FRMPD4: variants seen among roughly 807,000 people sequenced by gnomAD.
The protein encoded by FRMPD4 is FERM and PDZ domain containing 4.
Under a neutral mutation model 94.1 loss-of-function variants are expected in FRMPD4, and 22 were observed. The observed-to-expected ratio is 0.23, with a 90% confidence interval of 0.17 to 0.33. The LOEUF is 0.33. FRMPD4 is among the 10% of genes least tolerant of loss of function. The pLI is 1.00. For synonymous variants in FRMPD4, 631 were observed against 548.6 expected (o/e 1.15, Z -2.10); for missense variants, 1,111 against 1,339.9 (o/e 0.83, Z 2.67).
upstream of FRMPD4, among the ~76,000 whole-genome samples, chrX:12,136,916 CACACACACAT>C (rs1267921991): frequency 1.7e-4 from 18 of 108,223 alleles, no homozygotes; most frequent in Admixed American, 9.9e-4. Context: ...CACACACACA[CACACACACAT>C]ACACACACAC....
intron 3 of FRMPD4, among the ~76,000 whole-genome samples, chrX:12,075,883 T>C (rs2055009386): frequency 8.9e-6 from 1 of 112,116 alleles, no homozygotes; most frequent in South Asian, 3.7e-4. Context: ...AGTCCTCTCC[T>C]CTCCCTACCC....
intron 1 of FRMPD4, among the ~76,000 whole-genome samples, chrX:12,198,083 A>G (rs370487537): frequency 2.7e-5 from 3 of 112,111 alleles, no homozygotes; most frequent in Non-Finnish European, 5.6e-5. Context: ...TATAAAACAT[A>G]TACAGATTAA....
intron 2 of FRMPD4, chrX:12,583,646 C>A: frequency 2.4e-6 from 1 of 412,189 alleles, no homozygotes. Flanking sequence ...CTGGCCAGGA[C>A]CCTGAGTCTG....
chrX:12,409,977 C>A (rs894745540), intron 1 of FRMPD4, among the ~76,000 whole-genome samples: 6 of 111,379 alleles, frequency 5.4e-5, no homozygotes, highest in Non-Finnish European at 9.5e-5. Flanking sequence ...TGAATATCAC[C>A]CCTTTTTTCT....
intron 1 of FRMPD4, among the ~76,000 whole-genome samples, chrX:12,457,453 G>A (rs2057345736): frequency 9.0e-6 from 1 of 111,564 alleles, no homozygotes; most frequent in African/African-American, 3.3e-5. Flanking sequence ...TTATCTGCCA[G>A]GCACTGTGTT....
At chrX:11,871,832 G>C (rs181141759) in intron 2 of FRMPD4, among the ~76,000 whole-genome samples, 1 of 111,965 alleles carries the variant, frequency 8.9e-6, no homozygotes, top group East Asian at 2.8e-4. Context: ...AATTTAGTGG[G>C]CTTGCTCAGG....
At chrX:11,988,097 T>C (rs2054442786) in intron 3 of FRMPD4, among the ~76,000 whole-genome samples, 1 of 111,594 alleles carries the variant, frequency 9.0e-6, no homozygotes, top group Admixed American at 9.5e-5. Flanking sequence ...CCCTAACATT[T>C]ACATGAAACC....
rs770708729 is a variant in FRMPD4, at chrX:12,680,283, A to C, written c.469-3200A>C. Among the ~76,000 whole-genome samples, 4 of 112,324 alleles carry C rather than the reference A, an allele frequency of 3.6e-5. No individual in the cohort carries two copies. The Admixed American group carries it at 3.8e-4, about 11-fold the overall frequency. On this transcript the variant is annotated intron_variant, in intron 5 of 16. Coordinates refer to ENST00000675598, the MANE Select transcript of FRMPD4 (RefSeq NM_001368397.1). ...GGAGAATCTGATTATTCTAAATGAT[A>C]ATTACTTGTTATTTCCACCACAGGA... is the stretch of plus-strand genomic sequence containing the variant.
At chrX:12,238,251 A>T (rs899412058) in intron 1 of FRMPD4, among the ~76,000 whole-genome samples, 2 of 111,331 alleles carry the variant, frequency 1.8e-5, no homozygotes, top group African/African-American at 6.5e-5. Context: ...CAGCCTCCAG[A>T]GTAGCTGGGA....
At chrX:11,828,018 A>G (rs1160588929) in intron 1 of FRMPD4, among the ~76,000 whole-genome samples, 1 of 111,606 alleles carries the variant, frequency 9.0e-6, no homozygotes, top group Non-Finnish European at 1.9e-5. Context: ...CACTCAAGCC[A>G]TCATATTTTT....
chrX:12,693,293 G>T (rs1029527129), intron 8 of FRMPD4, among the ~76,000 whole-genome samples: 5 of 111,915 alleles, frequency 4.5e-5, no homozygotes, highest in Non-Finnish European at 9.4e-5. Context: ...AAGGGAAATC[G>T]ATGAGCTCTT....
intron 1 of FRMPD4, among the ~76,000 whole-genome samples, chrX:11,824,092 A>G (rs2053426631): frequency 8.9e-6 from 1 of 111,855 alleles, no homozygotes; most frequent in Non-Finnish European, 1.9e-5. Flanking sequence ...CAGCTCCACT[A>G]TTCTTTCGTC....
chrX:12,022,060 C>G (rs1343107167), intron 3 of FRMPD4, among the ~76,000 whole-genome samples: 1 of 112,179 alleles, frequency 8.9e-6, no homozygotes, highest in Non-Finnish European at 1.9e-5. Flanking sequence ...TGGAAAATCC[C>G]CAGGATCCCC....
chrX:12,123,120 TTTC>T (rs2055469779), intron 3 of FRMPD4, among the ~76,000 whole-genome samples: 1 of 76,869 alleles, frequency 1.3e-5, no homozygotes, highest in East Asian at 7.2e-4. Flanking sequence ...TTGATTTTCT[TTTC>T]TTTTTTTTTT....
At chrX:12,525,266 T>C (rs754932807) in intron 2 of FRMPD4, among the ~76,000 whole-genome samples, 1 of 111,438 alleles carries the variant, frequency 9.0e-6, no homozygotes, top group South Asian at 3.8e-4. Flanking sequence ...ATACAAACAC[T>C]CTGTTTTGAA....
chrX:12,476,634 C>T (rs181960665), intron 1 of FRMPD4, among the ~76,000 whole-genome samples: 27 of 111,805 alleles, frequency 2.4e-4, no homozygotes, highest in Non-Finnish European at 4.7e-4. Context: ...AACAAACAAC[C>T]CCATCAAGAA....
chrX:12,244,902 A>G (rs1220709913), intron 1 of FRMPD4, among the ~76,000 whole-genome samples: 1 of 112,095 alleles, frequency 8.9e-6, no homozygotes, highest in Non-Finnish European at 1.9e-5. Context: ...TGGGGAGAGG[A>G]GAGGGGTGGC....
At chrX:12,329,108 A>G (rs2055331893) in intron 1 of FRMPD4, among the ~76,000 whole-genome samples, 1 of 112,134 alleles carries the variant, frequency 8.9e-6, no homozygotes, top group Non-Finnish European at 1.9e-5. Flanking sequence ...ACATGGTTGG[A>G]CAAATAGAGT....
intron 3 of FRMPD4, among the ~76,000 whole-genome samples, chrX:12,034,804 T>C (rs1047357957): frequency 8.9e-6 from 1 of 112,493 alleles, no homozygotes; most frequent in Non-Finnish European, 1.9e-5. Context: ...GCCAGAACCA[T>C]TGTGTGTATG....
Sources: allele counts gnomAD v4.1 joint callset (sites outside exome capture counted in the v4.1 genomes callset), GRCh38; gene constraint gnomAD v4.1.1; transcripts MANE v1.5; gene names NCBI Gene and HGNC (gene_info 2026-07-23, HGNC 2026-07-21).